The following SOX5 variants were observed in gnomAD, a reference collection of about 807,000 sequenced individuals.
SOX5 encodes the protein transcription factor SOX-5.
A neutral mutation model predicts 92.0 loss-of-function variants in SOX5; 9 were observed. The observed-to-expected ratio is 0.10, with a 90% CI of 0.06 to 0.17. The LOEUF is 0.17. Ranked by LOEUF, SOX5 falls within the 10% of genes least tolerant of loss-of-function variation. SOX5 has a pLI of 1.00. For synonymous variants in SOX5, 344 were observed against 336.3 expected (o/e 1.02, Z -0.25); for missense variants, 642 against 944.5 (o/e 0.68, Z 4.20).
rs181312100 is a variant in SOX5 at position 23,840,447 on chromosome 12, C to T, written c.481+5536G>A. Among the ~76,000 whole-genome samples the T allele has an allele frequency of 1.6e-3, 236 of 152,090 alleles. 1 individual carries two copies. In the Middle Eastern group the frequency reaches 0.02, roughly 13 times the overall value. On this transcript the variant is annotated intron_variant, in intron 3 of 14. Transcript: ENST00000451604. ...AGGTATAACACAATCCCAATACAAT[C>T]CAAGTAAGTTATTTTGTGGATATCA...
At chr12:24,480,030 AT>A (rs1289030273) in intron 1 of SOX5, among the ~76,000 whole-genome samples, 1 of 152,216 alleles carries the variant, frequency 6.6e-6, no homozygotes, top group East Asian at 1.9e-4. Flanking sequence ...GCATAGGCAA[AT>A]TTCTAAGAAC....
chr12:23,992,544 C>A (rs1463306135), intron 4 of SOX5, among the ~76,000 whole-genome samples: 12 of 152,044 alleles, frequency 7.9e-5, no homozygotes, highest in African/African-American at 2.9e-4. Context: ...TCCATAAATG[C>A]ATCATCTACT....
At chr12:24,167,718 T>A (rs904640979) in intron 4 of SOX5, among the ~76,000 whole-genome samples, 3 of 152,262 alleles carry the variant, frequency 2.0e-5, no homozygotes, top group African/African-American at 7.2e-5. Context: ...TTTATTTTGT[T>A]TCGATCTAGT....
At chr12:23,560,737 A>G (rs1439813804) in intron 11 of SOX5, among the ~76,000 whole-genome samples, 1 of 152,252 alleles carries the variant, frequency 6.6e-6, no homozygotes, top group African/African-American at 2.4e-5. Flanking sequence ...TAAGTGTGAC[A>G]TTATTATCTC....
chr12:24,078,759 T>A (rs2137564726), intron 4 of SOX5, among the ~76,000 whole-genome samples: 1 of 152,176 alleles, frequency 6.6e-6, no homozygotes, highest in East Asian at 1.9e-4. Flanking sequence ...CTTCACATAT[T>A]CAATGTGTTA....
chr12:23,616,169 A>G (rs942292667), intron 8 of SOX5, among the ~76,000 whole-genome samples: 4 of 152,204 alleles, frequency 2.6e-5, no homozygotes, highest in Non-Finnish European at 1.5e-5. Flanking sequence ...TTCATTAACC[A>G]CTAAGGTGAC....
chr12:24,065,056 G>A (rs371010810), intron 4 of SOX5, among the ~76,000 whole-genome samples: 1 of 152,176 alleles, frequency 6.6e-6, no homozygotes, highest in African/African-American at 2.4e-5. Flanking sequence ...GCATAAAAAG[G>A]CTTCCTACTG....
intron 3 of SOX5, among the ~76,000 whole-genome samples, chr12:23,814,925 G>A (rs2095958087): frequency 6.6e-6 from 1 of 152,058 alleles, no homozygotes; most frequent in African/African-American, 2.4e-5. Context: ...TCTTGAGAAA[G>A]CAAGAATATT....
At chr12:23,810,439 G>A (rs1409002761) in intron 3 of SOX5, among the ~76,000 whole-genome samples, 1 of 152,148 alleles carries the variant, frequency 6.6e-6, no homozygotes, top group Non-Finnish European at 1.5e-5. Context: ...GGCAACCTGT[G>A]AAAGTGCCCA....
At chr12:24,506,967 T>A (rs1369010816) in intron 1 of SOX5, among the ~76,000 whole-genome samples, 1 of 151,708 alleles carries the variant, frequency 6.6e-6, no homozygotes, top group African/African-American at 2.4e-5. Flanking sequence ...ATTTTTTGTA[T>A]TTTTAGTAGA....
chr12:24,217,973 T>C (rs1208833262), intron 3 of SOX5, among the ~76,000 whole-genome samples: 4 of 152,122 alleles, frequency 2.6e-5, no homozygotes, highest in Non-Finnish European at 5.9e-5. Context: ...AGACAGATAA[T>C]TACAAGCACT....
At chr12:24,490,086 C>T (rs1946898815) in intron 1 of SOX5, among the ~76,000 whole-genome samples, 2 of 152,232 alleles carry the variant, frequency 1.3e-5, no homozygotes, top group African/African-American at 4.8e-5. Flanking sequence ...AGACTTCATA[C>T]ATTCAGCGCA....
At chr12:23,959,645 G>T (rs1946671958) in intron 4 of SOX5, among the ~76,000 whole-genome samples, 1 of 152,028 alleles carries the variant, frequency 6.6e-6, no homozygotes, top group African/African-American at 2.4e-5. Flanking sequence ...TAAGGAAAGG[G>T]CTACCCCCTC....
At chr12:23,734,610 G>T in intron 6 of SOX5, 74 bp downstream of exon 6, 1 of 1,086,182 alleles carries the variant, frequency 9.2e-7, no homozygotes, top group Non-Finnish European at 1.3e-6. Flanking sequence ...GGTCATTTCA[G>T]TTAGGTATTT....
intron 3 of SOX5, among the ~76,000 whole-genome samples, chr12:24,241,487 C>G (rs1319117012): frequency 6.6e-6 from 1 of 152,108 alleles, no homozygotes; most frequent in African/African-American, 2.4e-5. Flanking sequence ...TAAATCAGAA[C>G]TAAGGTTCAC....
At chr12:23,635,517 C>A (rs1325711097) in intron 8 of SOX5, among the ~76,000 whole-genome samples, 1 of 151,820 alleles carries the variant, frequency 6.6e-6, no homozygotes, top group Non-Finnish European at 1.5e-5. Context: ...ACACCGGGGC[C>A]TGTCGTGGGG....
At chr12:24,528,713 T>C (rs924464023) in intron 1 of SOX5, among the ~76,000 whole-genome samples, 2 of 152,212 alleles carry the variant, frequency 1.3e-5, no homozygotes, top group African/African-American at 4.8e-5. Flanking sequence ...TACTTATCTA[T>C]GTGACCTTGA....
intron 6 of SOX5, among the ~76,000 whole-genome samples, chr12:23,733,346 C>A (rs919419081): frequency 2.6e-5 from 4 of 152,098 alleles, no homozygotes; most frequent in Non-Finnish European, 5.9e-5. Flanking sequence ...TGCAGATAAC[C>A]AGGTACCATC....
rs1018657002 is a variant in SOX5, at chr12:23,643,953, T to C, written c.932-3056A>G. Among the ~76,000 whole-genome samples, 7 of 152,128 alleles carry C rather than the reference T, an allele frequency of 4.6e-5. No homozygotes were observed. The East Asian group carries it at 7.7e-4, about 17-fold the overall frequency. ...ACATTTTTAGAACCCACCCTAAAGCTACTGTGCAGACAGCCCCTAAGATAG... is the reference window on the plus strand; with the variant it reads ...ACATTTTTAGAACCCACCCTAAAGCCACTGTGCAGACAGCCCCTAAGATAG... On this transcript the variant is annotated intron_variant, in intron 7 of 14. Coordinates refer to ENST00000451604, the MANE Select transcript of SOX5 (RefSeq NM_006940.6).
Sources: allele counts gnomAD v4.1 joint callset (sites outside exome capture counted in the v4.1 genomes callset), GRCh38; gene constraint gnomAD v4.1.1; transcripts MANE v1.5; gene names NCBI Gene and HGNC (gene_info 2026-07-23, HGNC 2026-07-21).